The following ANO6 variants were observed in gnomAD, a reference collection of about 807,000 sequenced individuals.
ANO6 encodes anoctamin-6.
In ANO6, 106 loss-of-function variants were observed where a neutral mutation model predicts 117.5. The ratio of observed to expected loss-of-function variants is 0.90; its 90% CI spans 0.77 to 1.06. The LOEUF is 1.06. Among genes scored for constraint, ANO6 ranks in the 50% least tolerant of loss-of-function variants. The probability of loss-of-function intolerance (pLI) is 0.00; values close to 1 mark genes in which losing one functional copy is unlikely to be tolerated. For missense variants in ANO6, 955 were observed against 1,121.1 expected, an observed-to-expected ratio of 0.85 and a Z score of 2.12; for synonymous variants, 367 against 385.1, an observed-to-expected ratio of 0.95 and a Z score of 0.55.
chr12:45,411,029 A>G (rs1201360746), intron 16 of ANO6, among the ~76,000 whole-genome samples: 2 of 152,236 alleles, frequency 1.3e-5, no homozygotes, highest in Non-Finnish European at 2.9e-5. Flanking sequence ...GCTGATTTTC[A>G]GAAGGACTGT....
chr12:45,401,899 A>C lies in ANO6; in HGVS notation c.1491A>C (p.Pro497=), dbSNP rs750453737. 1 of 1,613,910 alleles carries C rather than the reference A, an allele frequency of 6.2e-7. No individual in the cohort carries two copies. The highest frequency in any genetic ancestry group is 8.5e-7 in the Non-Finnish European group (1 of 1,179,986). The change falls in exon 13 of 20, where the codon CCA becomes CCC. Residue 497 remains proline (P), a synonymous_variant. Coordinates refer to ENST00000320560, the MANE Select transcript of ANO6 (RefSeq NM_001025356.3). ...CCAAGAACATTAATGGAACAGACCC[A>C]ATCCAGAAATACCTGACTCCACAGA... ...KLPKNINGTD[P]IQKYLTPQTA...
intron 2 of ANO6, among the ~76,000 whole-genome samples, chr12:45,314,554 G>C: frequency 6.7e-6 from 1 of 150,302 alleles, no homozygotes; most frequent in East Asian, 2.0e-4. Flanking sequence ...ACATATATGT[G>C]TACATATACA....
intron 15 of ANO6, among the ~76,000 whole-genome samples, chr12:45,405,777 G>A (rs1003625525): frequency 7.9e-5 from 12 of 152,092 alleles, no homozygotes. Flanking sequence ...GACATTTGGT[G>A]CATGCCTGTA....
At chr12:45,387,247 T>C (rs1942323138) in intron 10 of ANO6, among the ~76,000 whole-genome samples, 1 of 152,238 alleles carries the variant, frequency 6.6e-6, no homozygotes, top group South Asian at 2.1e-4. Context: ...TTAATGTTTT[T>C]ATTTACTATT....
chr12:45,383,615 A>G (rs557771458), intron 10 of ANO6, among the ~76,000 whole-genome samples: 1 of 152,326 alleles, frequency 6.6e-6, no homozygotes, highest in South Asian at 2.1e-4. Context: ...CATGAAAACA[A>G]TATTAATCTC....
intron 1 of ANO6, among the ~76,000 whole-genome samples, chr12:45,234,101 A>G (rs1947612436): frequency 6.6e-6 from 1 of 152,222 alleles, no homozygotes. Flanking sequence ...TTATTTTTGT[A>G]ATCTCTTTAA....
intron 12 of ANO6, among the ~76,000 whole-genome samples, chr12:45,398,330 A>G (rs1366292029): frequency 2.6e-5 from 4 of 152,264 alleles, no homozygotes; most frequent in Admixed American, 2.6e-4. Context: ...CACTCACATT[A>G]AAGTGAGATA....
intron 2 of ANO6, among the ~76,000 whole-genome samples, chr12:45,308,659 G>T (rs1939755514): frequency 6.6e-6 from 1 of 152,096 alleles, no homozygotes; most frequent in Admixed American, 6.6e-5. Flanking sequence ...GGCAGAGTTT[G>T]ATTTAACCAA....
At chr12:45,366,269 T>C (rs932887381) in intron 8 of ANO6, among the ~76,000 whole-genome samples, 1 of 152,178 alleles carries the variant, frequency 6.6e-6, no homozygotes, top group African/African-American at 2.4e-5. Flanking sequence ...TTTTAAAATA[T>C]CTTGAATGTA....
At chr12:45,296,295 T>C (rs1008920563) in intron 1 of ANO6, among the ~76,000 whole-genome samples, 2 of 152,194 alleles carry the variant, frequency 1.3e-5, no homozygotes, top group Admixed American at 6.5e-5. Flanking sequence ...ATATGGGCCA[T>C]TCCTTTGACA....
At chr12:45,278,820 G>A (rs536766268) in intron 1 of ANO6, among the ~76,000 whole-genome samples, 1 of 152,290 alleles carries the variant, frequency 6.6e-6, no homozygotes, top group Admixed American at 6.5e-5. Context: ...TGTAGTAGTG[G>A]ATGGCATTTG....
intron 1 of ANO6, among the ~76,000 whole-genome samples, chr12:45,265,197 C>T (rs983935484): frequency 3.3e-5 from 5 of 152,098 alleles, no homozygotes; most frequent in East Asian, 1.9e-4. Context: ...ATAAAAGCAA[C>T]GTAAAGTTGA....
Position 45,228,884 on chromosome 12 carries a change from A to T in ANO6, c.70+12493A>T, listed in dbSNP as rs929725208. 2.0e-5 allele frequency among the ~76,000 whole-genome samples: 3 copies of T among 150,972 alleles called. No homozygotes were observed. The South Asian group carries it at 6.3e-4, about 32-fold the overall frequency. ...TAAGAATCTTCTAAAATTGGAGATT[A>T]TCTTGGGTCTCTGAGACAGGACCTT... On this transcript the variant is annotated intron_variant, in intron 1 of 19. Transcript: ENST00000320560.
chr12:45,345,348 A>C (rs943114676), intron 3 of ANO6, among the ~76,000 whole-genome samples: 1 of 151,700 alleles, frequency 6.6e-6, no homozygotes. Context: ...AGTTTATGGG[A>C]TTTTTTTTAT....
At chr12:45,287,410 G>C (rs1034324451) in intron 1 of ANO6, among the ~76,000 whole-genome samples, 2 of 152,156 alleles carry the variant, frequency 1.3e-5, no homozygotes, top group African/African-American at 4.8e-5. Flanking sequence ...GGTAACTGTT[G>C]TACTTTTCTT....
At chr12:45,429,063 C>T (rs373893868) in intron 19 of ANO6, 42 bp from the exon 20 acceptor site, 1 of 1,604,860 alleles carries the variant, frequency 6.2e-7, no homozygotes, top group African/African-American at 1.3e-5. Flanking sequence ...GTGTTCTCCT[C>T]CATTTCTTTG....
intron 8 of ANO6, among the ~76,000 whole-genome samples, chr12:45,362,526 A>G (rs998224871): frequency 6.6e-6 from 1 of 152,026 alleles, no homozygotes; most frequent in Non-Finnish European, 1.5e-5. Flanking sequence ...TAGTTCATTT[A>G]TATTTAATGT....
At chr12:45,342,966 G>A (rs1413142326) in intron 3 of ANO6, among the ~76,000 whole-genome samples, 1 of 152,116 alleles carries the variant, frequency 6.6e-6, no homozygotes, top group Non-Finnish European at 1.5e-5. Flanking sequence ...GAGAGGTGGT[G>A]CCCAACTACT....
chr12:45,284,961 T>G (rs1490797588), intron 1 of ANO6, among the ~76,000 whole-genome samples: 1 of 152,260 alleles, frequency 6.6e-6, no homozygotes, highest in Non-Finnish European at 1.5e-5. Context: ...ATTTCTGTAA[T>G]TAACATGTTA....
Sources: gnomAD v4.1 joint callset for allele counts (sites outside exome capture counted in the v4.1 genomes callset) on GRCh38, gnomAD v4.1.1 for gene constraint, MANE v1.5 for transcripts, NCBI Gene and HGNC (gene_info 2026-07-23, HGNC 2026-07-21) for gene names.